ASTN1: variants seen among roughly 807,000 people sequenced by gnomAD.
ASTN1 encodes the protein astrotactin 1, also known as astrotactin-1.
ASTN1 carries 41 observed loss-of-function variants against 140.7 expected under a neutral mutation model. The ratio of observed to expected loss-of-function variants is 0.29; its 90% confidence interval spans 0.23 to 0.38. The LOEUF (loss-of-function observed/expected upper bound fraction) is 0.38. Ranked by LOEUF, ASTN1 falls within the 10% of genes least tolerant of loss-of-function variation. The probability of loss-of-function intolerance (pLI) is 1.00; values close to 1 mark genes in which losing one functional copy is unlikely to be tolerated. For missense variants in ASTN1, 1,479 were observed against 1,678.8 expected (o/e 0.88, Z 2.08); for synonymous variants, 640 against 652.2 (o/e 0.98, Z 0.29).
At chr1:177,047,858 C>T (rs1677322349) in intron 2 of ASTN1, among the ~76,000 whole-genome samples, 1 of 152,046 alleles carries the variant, frequency 6.6e-6, no homozygotes, top group South Asian at 2.1e-4. Context: ...TCCATCTGTC[C>T]CTAAATAATG....
chr1:176,902,832 C>A lies in ASTN1; in HGVS notation c.2672-8002G>T, dbSNP rs375452536. Among the ~76,000 whole-genome samples, 6 of 152,312 alleles carry A rather than the reference C, an allele frequency of 3.9e-5. No individual in the cohort carries two copies. In the East Asian group the frequency reaches 1.2e-3, roughly 29 times the overall value. ...ATAAAGAACAAATTGCTCAGCGAGG[C>A]AGACACCTCTGTAAGGATTCCTGAG... On this transcript the variant is annotated intron_variant, in intron 16 of 22. Transcript: ENST00000361833.
intron 8 of ASTN1, among the ~76,000 whole-genome samples, chr1:177,011,662 C>CCA (rs959643178): frequency 6.7e-6 from 1 of 150,200 alleles, no homozygotes; most frequent in Admixed American, 6.7e-5. Context: ...CACACACACA[C>CCA]CACACACACA....
chr1:176,895,245 T>C (rs1669456420), intron 16 of ASTN1, among the ~76,000 whole-genome samples: 1 of 152,238 alleles, frequency 6.6e-6, no homozygotes, highest in South Asian at 2.1e-4. Context: ...ATAAAGCACA[T>C]AACACAATGG....
chr1:176,872,918 A>G (rs189214988), intron 21 of ASTN1, among the ~76,000 whole-genome samples: 10 of 152,290 alleles, frequency 6.6e-5, no homozygotes, highest in Admixed American at 2.6e-4. Context: ...ACGTATCGCC[A>G]TCTGAAATAT....
At chr1:176,979,912 A>G (rs1171744002) in intron 8 of ASTN1, among the ~76,000 whole-genome samples, 1 of 152,202 alleles carries the variant, frequency 6.6e-6, no homozygotes. Context: ...TTTCAAGGTA[A>G]TAATTATAAC....
chr1:177,109,439 C>T (rs1168769010), intron 1 of ASTN1, among the ~76,000 whole-genome samples: 1 of 149,800 alleles, frequency 6.7e-6, no homozygotes, highest in Non-Finnish European at 1.5e-5. Context: ...CACACACATA[C>T]AGAGAGAGAG....
chr1:177,124,744 G>C (rs1476064989), intron 1 of ASTN1, among the ~76,000 whole-genome samples: 1 of 152,214 alleles, frequency 6.6e-6, no homozygotes, highest in African/African-American at 2.4e-5. Context: ...AGCATGTTTT[G>C]ATAGAGGAGG....
At chr1:177,139,184 C>T (rs994744541) in intron 1 of ASTN1, among the ~76,000 whole-genome samples, 5 of 152,150 alleles carry the variant, frequency 3.3e-5, no homozygotes, top group Non-Finnish European at 7.4e-5. Context: ...AAAAAAGATA[C>T]ACACAAGATG....
chr1:176,888,321 G>T, intron 17 of ASTN1, 117 bp from the exon 18 acceptor site: 1 of 1,214,102 alleles, frequency 8.2e-7, no homozygotes, highest in Non-Finnish European at 1.2e-6. Context: ...GCAGCAGGTT[G>T]TGTCGCCACT....
chr1:176,925,178 C>T (rs375316875), intron 16 of ASTN1, among the ~76,000 whole-genome samples: 9 of 152,148 alleles, frequency 5.9e-5, no homozygotes, highest in African/African-American at 9.7e-5. Flanking sequence ...GTGAAAACCA[C>T]GCAGGATAGG....
chr1:176,997,159 C>T (rs888313969), intron 8 of ASTN1, among the ~76,000 whole-genome samples: 14 of 152,092 alleles, frequency 9.2e-5, no homozygotes, highest in African/African-American at 3.1e-4. Flanking sequence ...CTGGTATTAC[C>T]AAGCACACTC....
At chr1:176,891,170 A>G (rs1669247511) in intron 17 of ASTN1, among the ~76,000 whole-genome samples, 1 of 152,228 alleles carries the variant, frequency 6.6e-6, no homozygotes, top group Non-Finnish European at 1.5e-5. Context: ...GGGAAATTAC[A>G]TTTGTCTGAG....
intron 1 of ASTN1, among the ~76,000 whole-genome samples, chr1:177,129,488 T>G (rs1681836786): frequency 6.6e-6 from 1 of 152,134 alleles, no homozygotes; most frequent in African/African-American, 2.4e-5. Context: ...CAAATCTTCT[T>G]CAGCCTGAGA....
chr1:176,921,734 T>C (rs573859465), intron 16 of ASTN1, among the ~76,000 whole-genome samples: 21 of 152,088 alleles, frequency 1.4e-4, no homozygotes, highest in Middle Eastern at 3.4e-3. Flanking sequence ...ACATTATCTA[T>C]CTCCCAACCC....
intron 16 of ASTN1, among the ~76,000 whole-genome samples, chr1:176,923,953 T>C (rs1670848461): frequency 6.6e-6 from 1 of 152,198 alleles, no homozygotes; most frequent in South Asian, 2.1e-4. Flanking sequence ...AGATAATTAG[T>C]GGTGGACTGG....
Position 176,935,772 on chromosome 1 carries a change from T to C in ASTN1, c.2482+494A>G, listed in dbSNP as rs549753815. 3.9e-5 allele frequency among the ~76,000 whole-genome samples: 6 copies of C among 152,192 alleles called. No individual in the cohort carries two copies. In the East Asian group the frequency reaches 1.2e-3, roughly 29 times the overall value. On this transcript the variant is annotated intron_variant, in intron 15 of 22. Coordinates refer to ENST00000361833, the MANE Select transcript of ASTN1 (RefSeq NM_004319.3). ...TTCTCTCTCTCTCTTTCTCTCTCTC[T>C]CTCTCTCTCTTTCTCTCAATCTCTC...
At chr1:177,149,516 A>T (rs1682916623) in intron 1 of ASTN1, among the ~76,000 whole-genome samples, 1 of 80,844 alleles carries the variant, frequency 1.2e-5, no homozygotes, top group South Asian at 3.9e-4. Flanking sequence ...GTAAATATAT[A>T]TAGTATATAT....
chr1:176,986,043 G>A (rs1055480366), intron 8 of ASTN1, among the ~76,000 whole-genome samples: 3 of 152,154 alleles, frequency 2.0e-5, no homozygotes, highest in East Asian at 1.9e-4. Context: ...TGCCTCCTGC[G>A]CCCGCCTCTG....
intron 5 of ASTN1, among the ~76,000 whole-genome samples, chr1:177,025,493 G>A (rs1226618602): frequency 6.6e-6 from 1 of 151,170 alleles, no homozygotes; most frequent in East Asian, 1.9e-4. Context: ...TTCCTGTTGG[G>A]GAGAAGACGA....
Sources: gnomAD v4.1 joint callset for allele counts (sites outside exome capture counted in the v4.1 genomes callset) on GRCh38, gnomAD v4.1.1 for gene constraint, MANE v1.5 for transcripts, NCBI Gene and HGNC (gene_info 2026-07-23, HGNC 2026-07-21) for gene names.